Variants in TMEM178B observed in about 807,000 individuals in gnomAD.
TMEM178B encodes transmembrane protein 178B.
Under a neutral mutation model 31.0 loss-of-function variants are expected in TMEM178B, and 5 were observed. The ratio of observed to expected loss-of-function variants is 0.16; its 90% CI spans 0.08 to 0.34. The LOEUF is 0.34. Ranked by LOEUF, TMEM178B falls within the 10% of genes least tolerant of loss-of-function variation. The pLI, the probability that TMEM178B is intolerant of heterozygous loss-of-function variation, is 1.00. For synonymous variants in TMEM178B, 164 were observed against 164.0 expected, an observed-to-expected ratio of 1.00 and a Z score of 0.00; for missense variants, 275 against 400.3, an observed-to-expected ratio of 0.69 and a Z score of 2.67.
chr7:141,138,956 C>T (rs1165952281), intron 1 of TMEM178B, among the ~76,000 whole-genome samples: 2 of 151,890 alleles, frequency 1.3e-5, no homozygotes, highest in Non-Finnish European at 2.9e-5. Flanking sequence ...CGCAGTCCAG[C>T]CTGGGCAACA....
At chr7:141,293,052 G>A (rs1214009190) in intron 2 of TMEM178B, among the ~76,000 whole-genome samples, 2 of 152,114 alleles carry the variant, frequency 1.3e-5, no homozygotes, top group South Asian at 4.2e-4. Flanking sequence ...ATGTTACAGA[G>A]ACCTATAGGT....
chr7:141,287,077 A>G (rs1262711386), intron 2 of TMEM178B, among the ~76,000 whole-genome samples: 1 of 151,294 alleles, frequency 6.6e-6, no homozygotes, highest in African/African-American at 2.4e-5. Flanking sequence ...ATTCCTTTCT[A>G]CCTTTCTGTT....
chr7:141,285,164 T>G lies in TMEM178B; in HGVS notation c.496+72460T>G, dbSNP rs1245828539. 3.3e-4 allele frequency among the ~76,000 whole-genome samples: 46 copies of G among 141,332 alleles called. No homozygotes were observed. In the East Asian group the frequency reaches 7.6e-3, roughly 23 times the overall value. The allele number at this position is 141,332 out of a possible 152,430, so 92.7% of individuals were successfully genotyped here. ...TCAGGATTCTTGTTTCTTTTTTTTT[T>G]TTTTTTTTTTTTTTGAGACGTAGTC... On this transcript the variant is annotated intron_variant, in intron 2 of 3. Transcript: ENST00000565468.
At chr7:141,437,875 G>C in intron 3 of TMEM178B, 130 bp downstream of exon 3, 2 of 1,310,382 alleles carry the variant, frequency 1.5e-6, no homozygotes, top group Non-Finnish European at 2.1e-6. Context: ...CTCATCCATT[G>C]GTTCACAAGC....
At chr7:141,123,487 A>G (rs1436249392) in intron 1 of TMEM178B, among the ~76,000 whole-genome samples, 2 of 152,242 alleles carry the variant, frequency 1.3e-5, no homozygotes, top group Admixed American at 6.5e-5. Context: ...GTTTGCATTC[A>G]TGCAGAGGAG....
chr7:141,322,425 C>T (rs57485047), intron 2 of TMEM178B, among the ~76,000 whole-genome samples: 22,740 of 151,562 alleles, frequency 0.15, 2,430 homozygotes, highest in African/African-American at 0.3. Flanking sequence ...GTCCCAGCTA[C>T]TTGGGAGGCT....
intron 3 of TMEM178B, among the ~76,000 whole-genome samples, chr7:141,453,948 A>C (rs17577727): frequency 0.018 from 2,702 of 151,910 alleles, 34 homozygotes; most frequent in Admixed American, 0.026. Flanking sequence ...GCAGCTTTAC[A>C]TAAAGTTAAA....
chr7:141,086,233 T>C (rs933098872), intron 1 of TMEM178B, among the ~76,000 whole-genome samples: 2 of 152,146 alleles, frequency 1.3e-5, no homozygotes, highest in Admixed American at 6.5e-5. Context: ...GGTTTCACCA[T>C]GTTGGCCAGG....
the TMEM178B span, among the ~76,000 whole-genome samples, chr7:141,491,866 C>T: frequency 6.6e-6 from 1 of 152,140 alleles, no homozygotes; most frequent in Admixed American, 6.5e-5. Flanking sequence ...CTTTCACCTG[C>T]CTCCTCATCT....
At chr7:141,234,951 A>G (rs772426311) in intron 2 of TMEM178B, among the ~76,000 whole-genome samples, 5 of 152,212 alleles carry the variant, frequency 3.3e-5, no homozygotes, top group Non-Finnish European at 5.9e-5. Flanking sequence ...TAATTAGGCA[A>G]ATATTCAAAT....
At chr7:141,395,890 G>T (rs1800628784) in intron 2 of TMEM178B, among the ~76,000 whole-genome samples, 1 of 152,152 alleles carries the variant, frequency 6.6e-6, no homozygotes, top group African/African-American at 2.4e-5. Context: ...CCCACAAAAT[G>T]CCATGATTAT....
intron 2 of TMEM178B, among the ~76,000 whole-genome samples, chr7:141,221,094 G>GA (rs1031244083): frequency 5.9e-5 from 9 of 151,758 alleles, no homozygotes; most frequent in East Asian, 1.9e-4. Flanking sequence ...CATTGCAGGG[G>GA]AAAAAAAACA....
intron 3 of TMEM178B, among the ~76,000 whole-genome samples, chr7:141,459,707 T>C (rs1802029563): frequency 6.6e-6 from 1 of 152,166 alleles, no homozygotes; most frequent in Admixed American, 6.5e-5. Flanking sequence ...CAATGGCACT[T>C]TGACCTTAGT....
chr7:141,229,409 G>A (rs1397148886), intron 2 of TMEM178B, among the ~76,000 whole-genome samples: 1 of 152,006 alleles, frequency 6.6e-6, no homozygotes, highest in East Asian at 1.9e-4. Flanking sequence ...ATCCTTCCCT[G>A]TAACCACCTA....
intron 2 of TMEM178B, among the ~76,000 whole-genome samples, chr7:141,431,595 A>G (rs1224369977): frequency 6.6e-6 from 1 of 152,214 alleles, no homozygotes; most frequent in Non-Finnish European, 1.5e-5. Flanking sequence ...CAAGCCTGAC[A>G]TGATTCGTGA....
intron 2 of TMEM178B, among the ~76,000 whole-genome samples, chr7:141,411,231 TA>T (rs1346157556): frequency 1.3e-5 from 2 of 152,082 alleles, no homozygotes; most frequent in East Asian, 3.9e-4. Context: ...AGAAAAATTT[TA>T]AAAAAGAAAT....
At chr7:141,405,526 C>T (rs1201587023) in intron 2 of TMEM178B, among the ~76,000 whole-genome samples, 1 of 152,266 alleles carries the variant, frequency 6.6e-6, no homozygotes, top group Admixed American at 6.5e-5. Context: ...GTGAGGATCA[C>T]ATGAACTAAC....
intron 2 of TMEM178B, among the ~76,000 whole-genome samples, chr7:141,376,658 A>G (rs534471399): frequency 6.6e-6 from 1 of 152,196 alleles, no homozygotes; most frequent in South Asian, 2.1e-4. Flanking sequence ...ACACAAATCC[A>G]ATAGGTTGGA....
At chr7:141,323,076 C>T (rs141248114) in intron 2 of TMEM178B, among the ~76,000 whole-genome samples, 66 of 152,290 alleles carry the variant, frequency 4.3e-4, no homozygotes, top group Non-Finnish European at 7.1e-4. Flanking sequence ...GAAGGTTGAA[C>T]TGAAATGGTT....
Sources: gnomAD v4.1 joint callset for allele counts (sites outside exome capture counted in the v4.1 genomes callset) on GRCh38, gnomAD v4.1.1 for gene constraint, MANE v1.5 for transcripts, NCBI Gene and HGNC (gene_info 2026-07-23, HGNC 2026-07-21) for gene names.